Variants in ZNF227 observed in about 807,000 individuals in gnomAD.
ZNF227 encodes the protein zinc finger protein 227.
In ZNF227, 12 loss-of-function variants were observed where a neutral mutation model predicts 13.2. The ratio of observed to expected loss-of-function variants is 0.91; its 90% CI spans 0.58 to 1.47. The LOEUF (loss-of-function observed/expected upper bound fraction) is 1.47. Ranked by LOEUF, ZNF227 falls within the 40% of genes most tolerant of loss-of-function variation. The probability of loss-of-function intolerance (pLI) is 0.00; values close to 1 mark genes in which losing one functional copy is unlikely to be tolerated. For missense variants in ZNF227, 885 were observed against 967.5 expected (o/e 0.91, Z 1.13); for synonymous variants, 338 against 326.0 (o/e 1.04, Z -0.40).
At chr19:44,228,188 G>A (rs145599078) in intron 3 of ZNF227, 16 of 303,530 alleles carry the variant, frequency 5.3e-5, no homozygotes, top group South Asian at 2.0e-4. Context: ...CAGAGATTGC[G>A]CCACTGCTCC....
Position 44,235,287 on chromosome 19 carries a change from C to T in ZNF227, c.857C>T (p.Thr286Ile). ...TTCAGTCAAAGCTCACATCTGCGAACTCATCAGAGAATTCACCCAGGAGAG... is the reference window on the plus strand; with the variant it reads ...TTCAGTCAAAGCTCACATCTGCGAATTCATCAGAGAATTCACCCAGGAGAG... ...KCFSQSSHLR[T>I]HQRIHPGEKL... is the part of the protein sequence containing the mutation. The change falls in exon 6 of 6, where the codon ACT becomes ATT. Residue 286 changes from threonine (T) to isoleucine (I), a missense_variant. Coordinates refer to ENST00000313040, the MANE Select transcript of ZNF227 (RefSeq NM_182490.3). 1 of 1,614,142 alleles carries T rather than the reference C, an allele frequency of 6.2e-7. No individual in the cohort carries two copies. The highest frequency in any genetic ancestry group is 1.6e-4 in the Middle Eastern group (1 of 6,062).
rs200848109 is a variant in ZNF227 at position 44,217,814 on chromosome 19, C to T, written c.22C>T (p.Leu8Phe). MPSQNYD[L>F]PQKKQEKMTK... Reference sequence around the variant, plus strand: ...AGTTATGCCATCTCAGAACTATGACCTTCCCCAGAAGAAGCAGGAGAAAAT... The same window carrying T: ...AGTTATGCCATCTCAGAACTATGACTTTCCCCAGAAGAAGCAGGAGAAAAT... The change falls in exon 3 of 6, where the codon CTT (leucine) becomes TTT (phenylalanine). Residue 8 changes from leucine to phenylalanine, a missense_variant. Coordinates refer to ENST00000313040, the MANE Select transcript of ZNF227 (RefSeq NM_182490.3). The T allele has an allele frequency of 3.7e-6, 6 of 1,614,252 alleles. No individual in the cohort carries two copies. The highest frequency in any genetic ancestry group is 5.1e-6 in the Non-Finnish European group (6 of 1,180,048).
chr19:44,232,041 C>G (rs886427925), intron 5 of ZNF227, among the ~76,000 whole-genome samples: 2 of 152,188 alleles, frequency 1.3e-5, no homozygotes, highest in African/African-American at 4.8e-5. Context: ...AATACCAAAA[C>G]AGTTATATAA....
Position 44,235,297 on chromosome 19 carries a change from A to C in ZNF227, c.867A>C (p.Arg289Ser), listed in dbSNP as rs1319397358. 6.2e-7 allele frequency: 1 copy of C among 1,614,200 alleles called. No individual in the cohort carries two copies. Among genetic ancestry groups the C allele is most frequent in the Non-Finnish European group, 8.5e-7 (1 of 1,180,048 alleles). ...SQSSHLRTHQRIHPGEKLNRC... is the reference protein window; with the variant it reads ...SQSSHLRTHQSIHPGEKLNRC... ...GCTCACATCTGCGAACTCATCAGAG[A>C]ATTCACCCAGGAGAGAAACTCAATA... The change falls in exon 6 of 6, where the codon AGA becomes AGC. Residue 289 changes from arginine (R) to serine (S), a missense_variant. Transcript: ENST00000313040.
intron 5 of ZNF227, among the ~76,000 whole-genome samples, chr19:44,230,098 C>T (rs1375795618): frequency 1.3e-5 from 2 of 152,072 alleles, no homozygotes; most frequent in African/African-American, 4.8e-5. Flanking sequence ...TCACTGCAGC[C>T]TCAACCTCCT....
At chr19:44,223,077 C>T (rs921736070) in intron 3 of ZNF227, among the ~76,000 whole-genome samples, 3 of 152,090 alleles carry the variant, frequency 2.0e-5, no homozygotes, top group Non-Finnish European at 2.9e-5. Flanking sequence ...TATTGATTTG[C>T]GTATGTTGAA....
chr19:44,212,373 T>TG (rs1185463786), upstream of ZNF227, among the ~76,000 whole-genome samples: 4 of 103,118 alleles, frequency 3.9e-5, no homozygotes, highest in African/African-American at 1.5e-4. Context: ...TCCGTTTTTT[T>TG]TTTTGTTTTT....
At chr19:44,208,481 C>T (rs1971261231), upstream of ZNF227, among the ~76,000 whole-genome samples, 1 of 152,178 alleles carries the variant, frequency 6.6e-6, no homozygotes, top group African/African-American at 2.4e-5. Flanking sequence ...AATCTCAGAA[C>T]TTTCACAAAT....
rs778748922 is a variant in ZNF227, at chr19:44,236,614, C to T, written c.2184C>T (p.Pro728=). The T allele has an allele frequency of 6.2e-7, 1 of 1,613,970 alleles. No individual in the cohort carries two copies. Among genetic ancestry groups the T allele is most frequent in the Admixed American group, 1.7e-5 (1 of 59,982 alleles). Reference sequence around the variant, plus strand: ...AGTGTGGTAAGGCCTTCAGTCTCCCCTCAAATCTTCGAGTCCACCTGGGTG... The same window carrying T: ...AGTGTGGTAAGGCCTTCAGTCTCCCTTCAAATCTTCGAGTCCACCTGGGTG... ...CEECGKAFSL[P]SNLRVHLGVH... is the part of the protein sequence containing the mutation. Residue 728 remains proline (P), a synonymous_variant, in exon 6 of 6, where the codon CCC becomes CCT. Transcript: ENST00000313040.
chr19:44,219,936 C>T (rs1599787653), intron 3 of ZNF227, among the ~76,000 whole-genome samples: 1 of 151,496 alleles, frequency 6.6e-6, no homozygotes, highest in African/African-American at 2.4e-5. Context: ...CCCACTCCCC[C>T]CACCCCACAA....
At chr19:44,224,907 G>A (rs1380635279) in intron 3 of ZNF227, among the ~76,000 whole-genome samples, 1 of 152,184 alleles carries the variant, frequency 6.6e-6, no homozygotes, top group Non-Finnish European at 1.5e-5. Context: ...GGCTGGTACT[G>A]GTTGTTCCTT....
At chr19:44,215,241 ACTGCAGCCT>A (rs1971751084) in intron 2 of ZNF227, among the ~76,000 whole-genome samples, 1 of 146,942 alleles carries the variant, frequency 6.8e-6, no homozygotes, top group African/African-American at 2.5e-5. Context: ...ATCTCGGTTC[ACTGCAGCCT>A]CTGCCTCCCG....
chr19:44,228,389 C>T (rs1973408849), intron 3 of ZNF227, 57 bp from the exon 4 acceptor site: 1 of 1,562,880 alleles, frequency 6.4e-7, no homozygotes, highest in Non-Finnish European at 8.6e-7. Context: ...TTGATGCCAC[C>T]CTTCTTCTAG....
intron 3 of ZNF227, among the ~76,000 whole-genome samples, chr19:44,219,163 A>T (rs1972187648): frequency 6.6e-6 from 1 of 152,232 alleles, no homozygotes; most frequent in Non-Finnish European, 1.5e-5. Flanking sequence ...CTGGGATTAT[A>T]GGCGTGAACC....
chr19:44,210,753 T>C (rs1971325424), upstream of ZNF227, among the ~76,000 whole-genome samples: 1 of 152,212 alleles, frequency 6.6e-6, no homozygotes, highest in African/African-American at 2.4e-5. Context: ...TTGTGCGACT[T>C]GTTAAAGCAT....
chr19:44,218,895 T>C lies in ZNF227; in HGVS notation c.60+1043T>C, dbSNP rs117298426. Reference sequence around the variant, plus strand: ...GATAGAAGTACCTGATGTTACCTTTTTATTCTTTTGAGACAGAGTTTAATT... The same window carrying C: ...GATAGAAGTACCTGATGTTACCTTTCTATTCTTTTGAGACAGAGTTTAATT... On this transcript the variant is annotated intron_variant, in intron 3 of 5. Transcript: ENST00000313040. Among the ~76,000 whole-genome samples, 682 of 152,306 alleles carry C rather than the reference T, an allele frequency of 4.5e-3. 3 individuals are homozygous for C. The highest frequency in any genetic ancestry group is 0.012 in the Admixed American group (189 of 15,290).
chr19:44,210,964 C>T (rs758692079), upstream of ZNF227, among the ~76,000 whole-genome samples: 5 of 151,976 alleles, frequency 3.3e-5, no homozygotes, highest in African/African-American at 7.3e-5. Flanking sequence ...GAGGCCGGGG[C>T]GGGTGGATCA....
intron 3 of ZNF227, among the ~76,000 whole-genome samples, 164 bp downstream of exon 3, chr19:44,218,016 ATT>A (rs1002858332): frequency 6.6e-6 from 1 of 152,194 alleles, no homozygotes; most frequent in African/African-American, 2.4e-5. Context: ...CACCTTTACT[ATT>A]TTACAAAACA....
At chr19:44,215,418 A>G (rs1388392346) in intron 2 of ZNF227, among the ~76,000 whole-genome samples, 3 of 145,508 alleles carry the variant, frequency 2.1e-5, no homozygotes, top group Admixed American at 2.0e-4. Context: ...TTTTGTCATT[A>G]TGTTTTCGTA....
Sources: allele counts gnomAD v4.1 joint callset (sites outside exome capture counted in the v4.1 genomes callset), GRCh38; gene constraint gnomAD v4.1.1; transcripts MANE v1.5; gene names NCBI Gene and HGNC (gene_info 2026-07-23, HGNC 2026-07-21).